The following LRPPRC variants were observed in gnomAD, a reference collection of about 807,000 sequenced individuals.
LRPPRC encodes leucine rich pentatricopeptide repeat containing.
A neutral mutation model predicts 180.3 loss-of-function variants in LRPPRC; 120 were observed. The ratio of observed to expected loss-of-function variants is 0.67; its 90% CI spans 0.57 to 0.77. LRPPRC has a LOEUF of 0.77. Among genes scored for constraint, LRPPRC ranks in the 30% least tolerant of loss-of-function variants. The pLI, the probability that LRPPRC is intolerant of heterozygous loss-of-function variation, is 0.00. For synonymous variants in LRPPRC, 723 were observed against 600.0 expected (o/e 1.21, Z -3.00); for missense variants, 2,012 against 1,657.2 (o/e 1.21, Z -3.72).
intron 1 of LRPPRC, among the ~76,000 whole-genome samples, chr2:43,994,463 T>C (rs1197498306): frequency 6.6e-6 from 1 of 152,222 alleles, no homozygotes; most frequent in Non-Finnish European, 1.5e-5. Flanking sequence ...ATACAGATAA[T>C]TCTGCAATAT....
chr2:43,960,248 ACTT>A (rs1673287008), intron 13 of LRPPRC, among the ~76,000 whole-genome samples: 1 of 152,184 alleles, frequency 6.6e-6, no homozygotes, highest in Non-Finnish European at 1.5e-5. Context: ...AGGTTAGAAG[ACTT>A]CTTCTAAATC....
At chr2:43,976,797 C>T (rs1457545242) in intron 5 of LRPPRC, among the ~76,000 whole-genome samples, 197 bp downstream of exon 5, 2 of 151,118 alleles carry the variant, frequency 1.3e-5, no homozygotes, top group East Asian at 2.0e-4. Context: ...ATTAAAATAG[C>T]AACTTTTACT....
intron 30 of LRPPRC, among the ~76,000 whole-genome samples, chr2:43,909,814 TAGAGAAGA>T (rs1264443189): frequency 6.6e-6 from 1 of 152,016 alleles, no homozygotes; most frequent in Non-Finnish European, 1.5e-5. Context: ...CATAAAGATC[TAGAGAAGA>T]AGGGAAGAAG....
At chr2:43,988,222 C>G (rs995520571) in intron 1 of LRPPRC, among the ~76,000 whole-genome samples, 1 of 119,398 alleles carries the variant, frequency 8.4e-6, no homozygotes, top group Non-Finnish European at 1.7e-5. Flanking sequence ...GCCTGGGAGA[C>G]AGAGACTCTG....
At chr2:43,909,968 T>C (rs185462256) in intron 30 of LRPPRC, among the ~76,000 whole-genome samples, 3 of 152,300 alleles carry the variant, frequency 2.0e-5, no homozygotes, top group East Asian at 1.9e-4. Flanking sequence ...ATGTTTTACA[T>C]AGACAACCCA....
intron 24 of LRPPRC, among the ~76,000 whole-genome samples, 193 bp from the exon 25 acceptor site, chr2:43,934,489 G>A (rs1400913658): frequency 6.6e-6 from 1 of 151,588 alleles, no homozygotes; most frequent in African/African-American, 2.4e-5. Context: ...GTGAGGATAA[G>A]GGTAAAAAAA....
At chr2:43,979,783 C>T (rs1267603645) in intron 3 of LRPPRC, 43 bp downstream of exon 3, 1 of 1,594,720 alleles carries the variant, frequency 6.3e-7, no homozygotes, top group Non-Finnish European at 8.6e-7. Context: ...AAAGAAAAAA[C>T]ATCTACACCT....
chr2:43,896,605 T>C (rs746050436), intron 35 of LRPPRC, 29 bp downstream of exon 35: 9 of 1,395,252 alleles, frequency 6.5e-6, no homozygotes, highest in East Asian at 4.6e-5. Context: ...TACAGTATCA[T>C]TGATTTGTAA....
chr2:43,943,657 C>A (rs375939255), intron 23 of LRPPRC, 30 bp downstream of exon 23: 3 of 1,554,176 alleles, frequency 1.9e-6, no homozygotes, highest in Non-Finnish European at 2.7e-6. Flanking sequence ...TTAATGCCAA[C>A]ATTTAAAATT....
At chr2:43,907,285 T>C (rs562118909) in intron 30 of LRPPRC, among the ~76,000 whole-genome samples, 1 of 151,822 alleles carries the variant, frequency 6.6e-6, no homozygotes, top group East Asian at 1.9e-4. Flanking sequence ...ATCTATTCTA[T>C]AATAATATAT....
chr2:43,984,019 T>C (rs1004856224), intron 1 of LRPPRC, among the ~76,000 whole-genome samples: 7 of 152,142 alleles, frequency 4.6e-5, no homozygotes, highest in African/African-American at 1.7e-4. Context: ...AGATGGCTAA[T>C]TGACTCGAGT....
At chr2:43,930,444 A>G (rs1253321121) in intron 25 of LRPPRC, among the ~76,000 whole-genome samples, 1 of 152,084 alleles carries the variant, frequency 6.6e-6, no homozygotes, top group African/African-American at 2.4e-5. Flanking sequence ...AGCGTTCCAG[A>G]TTTCAGATTT....
intron 11 of LRPPRC, among the ~76,000 whole-genome samples, chr2:43,968,251 C>T (rs1673646007): frequency 6.6e-6 from 1 of 152,218 alleles, no homozygotes; most frequent in African/African-American, 2.4e-5. Flanking sequence ...AGGAACTGTG[C>T]TTCCAGACGC....
chr2:43,987,285 G>GGAGATT (rs1674568859), intron 1 of LRPPRC, among the ~76,000 whole-genome samples: 2 of 151,992 alleles, frequency 1.3e-5, no homozygotes, highest in Non-Finnish European at 2.9e-5. Flanking sequence ...CACGAGGTCA[G>GGAGATT]GAGATTGAGA....
chr2:43,932,546 A>T (rs1426003295), intron 25 of LRPPRC, among the ~76,000 whole-genome samples: 4 of 152,194 alleles, frequency 2.6e-5, no homozygotes, highest in African/African-American at 9.6e-5. Flanking sequence ...CAAAGCTCTA[A>T]GTAATTAAGA....
At chr2:43,968,955 G>A (rs150365647) in intron 11 of LRPPRC, among the ~76,000 whole-genome samples, 3 of 152,214 alleles carry the variant, frequency 2.0e-5, no homozygotes, top group Non-Finnish European at 4.4e-5. Context: ...ACTTGACTAT[G>A]GTAATCAGGA....
At chr2:43,942,710 T>G (rs1672527940) in intron 23 of LRPPRC, among the ~76,000 whole-genome samples, 1 of 152,014 alleles carries the variant, frequency 6.6e-6, no homozygotes, top group Non-Finnish European at 1.5e-5. Flanking sequence ...ACCGTTAAAA[T>G]ACATATTTTA....
intron 21 of LRPPRC, 144 bp downstream of exon 21, chr2:43,945,969 A>G (rs1672666347): frequency 2.5e-6 from 2 of 811,348 alleles, no homozygotes; most frequent in South Asian, 1.5e-5. Context: ...AGAGCCGTAT[A>G]ATACGAAATT....
rs772738147 is a variant in LRPPRC, at chr2:43,982,395, G to A, written c.189C>T (p.Ala63=). 1 of 1,613,622 alleles carries A rather than the reference G, an allele frequency of 6.2e-7. No individual in the cohort carries two copies. Residue 63 remains alanine, a synonymous_variant, in exon 2 of 38, where the codon GCC becomes GCT. Transcript: ENST00000260665. ...ACTCCTCTTGAATATCTTTTTCTTT[G>A]GCAGCAATGGCATACAGCCTGGCTG... ...LSPARLYAIA[A]KEKDIQEEST...
Sources: allele counts gnomAD v4.1 joint callset (sites outside exome capture counted in the v4.1 genomes callset), GRCh38; gene constraint gnomAD v4.1.1; transcripts MANE v1.5; gene names NCBI Gene and HGNC (gene_info 2026-07-23, HGNC 2026-07-21).